Variants in FAM227B observed in about 807,000 individuals in gnomAD.
FAM227B encodes the protein family with sequence similarity 227 member B.
In FAM227B, 88 loss-of-function variants were observed where a neutral mutation model predicts 73.8. The observed-to-expected ratio is 1.19, with a 90% confidence interval of 1.00 to 1.42. FAM227B has a LOEUF of 1.42. FAM227B is among the 40% of genes most tolerant of loss of function. The probability of loss-of-function intolerance (pLI) is 0.00; values close to 1 mark genes in which losing one functional copy is unlikely to be tolerated. For synonymous variants in FAM227B, 210 were observed against 190.5 expected (o/e 1.10, Z -0.84); for missense variants, 632 against 590.9 (o/e 1.07, Z -0.72).
rs914320617 is a variant in FAM227B at position 49,545,958 on chromosome 15, T to A, written c.748-4152A>T. On this transcript the variant is annotated intron_variant, in intron 9 of 15. Coordinates refer to ENST00000299338, the MANE Select transcript of FAM227B (RefSeq NM_152647.3). ...CAGGAGTAGCTATTTTTTTTTTTTT[T>A]AATTTTATTATTATTATACTTTAAG... 1.9e-3 allele frequency among the ~76,000 whole-genome samples: 279 copies of A among 149,068 alleles called. 1 individual carries two copies. The highest frequency in any genetic ancestry group is 3.9e-3 in the Admixed American group (59 of 15,028).
At chr15:49,476,916 C>T (rs187302084) in intron 11 of FAM227B, among the ~76,000 whole-genome samples, 38 of 152,090 alleles carry the variant, frequency 2.5e-4, no homozygotes, top group Non-Finnish European at 4.4e-4. Context: ...AAAAATTAGC[C>T]GGGCGTGGTG....
At chr15:49,380,905 A>G (rs768893968) in intron 11 of FAM227B, among the ~76,000 whole-genome samples, 2 of 152,166 alleles carry the variant, frequency 1.3e-5, no homozygotes, top group South Asian at 2.1e-4. Context: ...TGGGTAACTA[A>G]TAAAGAAAAT....
At chr15:49,448,745 TGATAA>T (rs1402311736) in intron 11 of FAM227B, among the ~76,000 whole-genome samples, 1 of 151,780 alleles carries the variant, frequency 6.6e-6, no homozygotes, top group Non-Finnish European at 1.5e-5. Flanking sequence ...AGTCACACTC[TGATAA>T]GATAAGGAAG....
chr15:49,413,271 T>G (rs145044025), intron 11 of FAM227B, among the ~76,000 whole-genome samples: 289 of 152,180 alleles, frequency 1.9e-3, no homozygotes, highest in Non-Finnish European at 2.6e-3. Context: ...TCTTACGAGA[T>G]CTGATGGTTT....
Position 49,523,525 on chromosome 15 carries a change from G to A in FAM227B, c.875-15177C>T, listed in dbSNP as rs143118122. Among the ~76,000 whole-genome samples, 310 of 152,212 alleles carry A rather than the reference G, an allele frequency of 2.0e-3. 1 individual carries two copies. The highest frequency in any genetic ancestry group is 6.9e-3 in the African/African-American group (288 of 41,526). On this transcript the variant is annotated intron_variant, in intron 10 of 15. Transcript: ENST00000299338. ...TTTCCTGTATAAATTACCCAGTCTC[G>A]TGTATGTCTTTATTAGCAGCACAAA...
In FAM227B at chr15:49,356,162, C is replaced by T. The variant is rs549373390; in HGVS notation, c.1271+11286G>A. Among the ~76,000 whole-genome samples, 975 of 152,136 alleles carry T rather than the reference C, an allele frequency of 6.4e-3. 17 individuals carry two copies. Among genetic ancestry groups the T allele is most frequent in the African/African-American group, 0.023 (938 of 41,478 alleles). On this transcript the variant is annotated intron_variant, in intron 13 of 15. Coordinates refer to ENST00000299338, the MANE Select transcript of FAM227B (RefSeq NM_152647.3). ...TGCCAAAATGTAAAGACCATCGAGA[C>T]TAGGAAGAAACTGCATCAACTAACG... is the stretch of plus-strand genomic sequence containing the variant.
intron 10 of FAM227B, among the ~76,000 whole-genome samples, chr15:49,514,053 TGC>T (rs775102492): frequency 3.3e-5 from 5 of 152,136 alleles, no homozygotes; most frequent in Non-Finnish European, 5.9e-5. Flanking sequence ...TTGTTCTTTT[TGC>T]TTAGGAAGGC....
At chr15:49,479,617 T>G (rs2055725597) in intron 11 of FAM227B, among the ~76,000 whole-genome samples, 1 of 138,446 alleles carries the variant, frequency 7.2e-6, no homozygotes, top group African/African-American at 2.7e-5. Context: ...TTTTTTTTTT[T>G]TTTTTTTTTT....
chr15:49,523,553 C>T (rs1374366910), intron 10 of FAM227B, among the ~76,000 whole-genome samples: 1 of 152,114 alleles, frequency 6.6e-6, no homozygotes, highest in African/African-American at 2.4e-5. Context: ...AGCACAAAAG[C>T]AGACTAATTC....
intron 11 of FAM227B, chr15:49,423,931 C>T (rs2049905323): frequency 5.3e-6 from 1 of 187,866 alleles, no homozygotes; most frequent in African/African-American, 2.4e-5. Context: ...ATAACCTATA[C>T]TGTATTCTAA....
intron 13 of FAM227B, among the ~76,000 whole-genome samples, chr15:49,363,523 G>A (rs142542824): frequency 1.3e-5 from 2 of 152,270 alleles, no homozygotes; most frequent in East Asian, 1.9e-4. Context: ...GAGCTTTTGG[G>A]CAGAGACGAT....
At chr15:49,387,473 C>A (rs1251547473) in intron 11 of FAM227B, among the ~76,000 whole-genome samples, 1 of 151,382 alleles carries the variant, frequency 6.6e-6, no homozygotes, top group Non-Finnish European at 1.5e-5. Context: ...ATAGAAGGCA[C>A]CTATATCAAA....
intron 10 of FAM227B, among the ~76,000 whole-genome samples, chr15:49,534,134 T>A (rs971049876): frequency 2.6e-5 from 4 of 151,844 alleles, no homozygotes; most frequent in African/African-American, 9.7e-5. Context: ...CAGGAAGTAA[T>A]CATTTCCCAT....
intron 3 of FAM227B, among the ~76,000 whole-genome samples, chr15:49,604,189 T>G (rs1598498434): frequency 6.6e-6 from 1 of 152,234 alleles, no homozygotes; most frequent in South Asian, 2.1e-4. Flanking sequence ...TATACTTTAA[T>G]GTTTTTATAT....
intron 13 of FAM227B, among the ~76,000 whole-genome samples, chr15:49,354,752 C>A (rs1184500477): frequency 2.0e-5 from 3 of 152,108 alleles, no homozygotes; most frequent in Non-Finnish European, 4.4e-5. Flanking sequence ...CTCAAGGAGG[C>A]CTGCCTGCCT....
At chr15:49,592,386 CCTTT>C (rs1265659455) in intron 3 of FAM227B, among the ~76,000 whole-genome samples, 3 of 152,292 alleles carry the variant, frequency 2.0e-5, no homozygotes, top group East Asian at 1.9e-4. Context: ...TGATGCTATT[CCTTT>C]CTGTTTCATA....
At position 49,335,504 on chromosome 15, in the gene FAM227B, G is replaced by C; in HGVS notation, c.1272-8C>G. ...TATGTTGGAGCAGGTAGTGTGCTAG[G>C]CTTATTATTAAGGAATGATTTTCAA... On this transcript the variant is annotated splice_region_variant and splice_polypyrimidine_tract_variant and intron_variant, in intron 13 of 15. Transcript: ENST00000299338. 1 of 1,606,600 alleles carries C rather than the reference G, an allele frequency of 6.2e-7. No individual in the cohort carries two copies. Among genetic ancestry groups the C allele is most frequent in the Non-Finnish European group, 8.5e-7 (1 of 1,173,688 alleles).
intron 11 of FAM227B, among the ~76,000 whole-genome samples, chr15:49,395,356 G>C (rs1451389359): frequency 2.0e-5 from 3 of 152,022 alleles, no homozygotes; most frequent in Admixed American, 6.6e-5. Flanking sequence ...TCAATAATGA[G>C]AAAAAAGTAG....
At chr15:49,485,019 T>G (rs904663003) in intron 11 of FAM227B, 2 of 151,990 alleles carry the variant, frequency 1.3e-5, no homozygotes, top group African/African-American at 4.8e-5. Flanking sequence ...AAAATTATAA[T>G]CTACTTAAAC....
Sources: allele counts gnomAD v4.1 joint callset (sites outside exome capture counted in the v4.1 genomes callset), GRCh38; gene constraint gnomAD v4.1.1; transcripts MANE v1.5; gene names NCBI Gene and HGNC (gene_info 2026-07-23, HGNC 2026-07-21).